Variants in PHF2 observed in about 807,000 individuals in gnomAD.
PHF2 encodes lysine-specific demethylase PHF2.
PHF2 carries 27 observed loss-of-function variants against 120.5 expected under a neutral mutation model. The observed-to-expected ratio is 0.22, with a 90% CI of 0.17 to 0.31. The LOEUF (loss-of-function observed/expected upper bound fraction) is 0.31. Among genes scored for constraint, PHF2 ranks in the 10% least tolerant of loss-of-function variants. The pLI, the probability that PHF2 is intolerant of heterozygous loss-of-function variation, is 1.00. For missense variants in PHF2, 1,024 were observed against 1,434.8 expected, an observed-to-expected ratio of 0.71 and a Z score of 4.63; for synonymous variants, 568 against 592.5, an observed-to-expected ratio of 0.96 and a Z score of 0.60.
rs774870282 is a variant in PHF2, at chr9:93,656,614, T to G, written c.1147+19T>G. ...TTCAAAGGTACTGGTCACTCCGGGG[T>G]GGGCGTCCAAGCCTGGGGCTCTTGG... On this transcript the variant is annotated intron_variant, in intron 9 of 21. Transcript: ENST00000359246. This position sits in a 1 kb window ranked among gnomAD's most constrained non-coding sequence, Gnocchi z 4.1. The G allele has an allele frequency of 1.9e-6, 3 of 1,571,946 alleles. No homozygotes were observed. The African/African-American group carries it at 4.1e-5, about 21-fold the overall frequency.
intron 1 of PHF2, among the ~76,000 whole-genome samples, chr9:93,625,328 T>C (rs1262205919): frequency 6.6e-6 from 1 of 152,264 alleles, no homozygotes; most frequent in Non-Finnish European, 1.5e-5. Flanking sequence ...TTTTTAAGGC[T>C]GAATAATATT....
At chr9:93,599,004 C>G (rs1181596676) in intron 1 of PHF2, among the ~76,000 whole-genome samples, 4 of 152,168 alleles carry the variant, frequency 2.6e-5, no homozygotes, top group African/African-American at 9.7e-5. Flanking sequence ...GTGCGTGCCT[C>G]TCAGACATGA....
At chr9:93,616,348 G>C (rs1354815850) in intron 1 of PHF2, among the ~76,000 whole-genome samples, 1 of 152,208 alleles carries the variant, frequency 6.6e-6, no homozygotes, top group Admixed American at 6.5e-5. Flanking sequence ...TAAAGCTTTT[G>C]ATACATACAG....
intron 1 of PHF2, among the ~76,000 whole-genome samples, chr9:93,578,292 G>A (rs188919054): frequency 2.3e-3 from 351 of 152,346 alleles, no homozygotes; most frequent in African/African-American, 8.2e-3. Flanking sequence ...GGCTGTGGAA[G>A]CCCCTTAGAG....
At chr9:93,669,253 G>C (rs1826738148) in intron 17 of PHF2, among the ~76,000 whole-genome samples, 1 of 152,236 alleles carries the variant, frequency 6.6e-6, no homozygotes, top group Non-Finnish European at 1.5e-5. Flanking sequence ...GGGCCTTGCA[G>C]GCCAGTTGAG....
chr9:93,677,578 A>T lies in PHF2; in HGVS notation c.3203-10A>T, dbSNP rs1317396438. ...CTTCCCTTTTTGTGTCCCCTCCCCG[A>T]CTCCCCTAGGAAAACGTACGAAAAA... On this transcript the variant is annotated splice_polypyrimidine_tract_variant and intron_variant, in intron 21 of 21. Transcript: ENST00000359246. This position sits in a 1 kb window ranked among gnomAD's most constrained non-coding sequence, Gnocchi z 4.4. 4 of 1,610,272 alleles carry T rather than the reference A, an allele frequency of 2.5e-6. No homozygotes were observed. In the South Asian group the frequency reaches 4.4e-5, roughly 18 times the overall value.
At chr9:93,663,767 T>TCA (rs56951431) in intron 14 of PHF2, 132 bp downstream of exon 14, 179 of 569,738 alleles carry the variant, frequency 3.1e-4, no homozygotes, top group Middle Eastern at 6.6e-4. Context: ...ACTCTGCATC[T>TCA]CACACACACC....
chr9:93,626,269 A>G (rs1825913162), intron 1 of PHF2, among the ~76,000 whole-genome samples: 1 of 152,186 alleles, frequency 6.6e-6, no homozygotes, highest in African/African-American at 2.4e-5. Flanking sequence ...AATTGTAGCC[A>G]TCCTAGTGGG....
Position 93,679,290 on chromosome 9 carries a change from G to C in PHF2, c.*1614G>C, listed in dbSNP as rs568768427. On this transcript the variant is annotated 3_prime_UTR_variant, in exon 22 of 22. Transcript: ENST00000359246. ...CTAGGGCCCGAGACTGGGTGGGAGAGGGGGAGTCTCACGGGGCCCCAGGCT... is the reference window on the plus strand; with the variant it reads ...CTAGGGCCCGAGACTGGGTGGGAGACGGGGAGTCTCACGGGGCCCCAGGCT... 9 of 455,416 alleles carry C rather than the reference G, an allele frequency of 2.0e-5. No individual in the cohort carries two copies. Among genetic ancestry groups the C allele is most frequent in the African/African-American group, 1.2e-4 (6 of 50,138 alleles). 28.2% of individuals were successfully genotyped at this position (455,416 alleles called of 1,614,324 possible).
At position 93,654,652 on chromosome 9, in the gene PHF2, C is replaced by T; in HGVS notation, c.952+77C>T. On this transcript the variant is annotated intron_variant, in intron 7 of 21. Coordinates refer to ENST00000359246, the MANE Select transcript of PHF2 (RefSeq NM_005392.4). The stretch of plus-strand genomic sequence containing the variant: ...CAAGCTTACTGCCCTGTCCCTTGGA[C>T]CGTGTCCCCACCATGGGGTCTCTTC... The T allele has an allele frequency of 2.1e-6, 3 of 1,396,300 alleles. No individual in the cohort carries two copies. In the South Asian group the frequency reaches 3.5e-5, roughly 17 times the overall value. 86.5% of individuals were successfully genotyped at this position (1,396,300 alleles called of 1,614,324 possible).
chr9:93,675,812 C>A, intron 20 of PHF2, 23 bp downstream of exon 20: 2 of 1,574,090 alleles, frequency 1.3e-6, no homozygotes, highest in Non-Finnish European at 1.7e-6. Flanking sequence ...GAGAAGGACA[C>A]ACGGCAGCCA....
At chr9:93,580,917 G>C (rs138849641) in intron 1 of PHF2, among the ~76,000 whole-genome samples, 220 of 152,272 alleles carry the variant, frequency 1.4e-3, no homozygotes, top group African/African-American at 5.1e-3. Context: ...CGTGTTGCAT[G>C]TTGCTGTGGG....
chr9:93,675,098 G>A (rs1261983724), intron 19 of PHF2, 76 bp downstream of exon 19: 2 of 1,200,400 alleles, frequency 1.7e-6, no homozygotes, highest in African/African-American at 3.0e-5. Context: ...GGTCCCTCCA[G>A]CCCCTGAGAA....
intron 3 of PHF2, among the ~76,000 whole-genome samples, chr9:93,644,400 A>AG (rs1349523190): frequency 6.6e-6 from 1 of 151,650 alleles, no homozygotes; most frequent in East Asian, 1.9e-4. Flanking sequence ...AAAAAAAAAA[A>AG]AAAAATTCCA....
Position 93,673,794 on chromosome 9 carries a change from G to C in PHF2, c.2558G>C (p.Ser853Thr). The change falls in exon 18 of 22, where the codon AGT becomes ACT. Residue 853 changes from serine to threonine, a missense_variant. Physicochemically the swap from Ser to Thr is moderately conservative, Grantham distance 58. Transcript: ENST00000359246. ...KRLLKRAAKN[S>T]VDLDDYEEEQ... ...CTGCTGAAGAGGGCTGCCAAGAACA[G>C]TGTCGACCTGGACGACTACGAGGAA... 6.2e-7 allele frequency: 1 copy of C among 1,612,632 alleles called. No individual in the cohort carries two copies. Among genetic ancestry groups the C allele is most frequent in the South Asian group, 1.1e-5 (1 of 90,966 alleles).
intron 2 of PHF2, among the ~76,000 whole-genome samples, chr9:93,631,809 T>C (rs534432355): frequency 7.3e-6 from 1 of 137,752 alleles, no homozygotes; most frequent in East Asian, 2.1e-4. Context: ...GAGTTGGGCT[T>C]GGGAGGATGC....
At chr9:93,672,858 AG>A (rs1364309984) in intron 17 of PHF2, 1 of 938,626 alleles carries the variant, frequency 1.1e-6, no homozygotes, top group Non-Finnish European at 1.3e-6. Context: ...GCAGGGGTGG[AG>A]GTAGGTACAG....
intron 3 of PHF2, among the ~76,000 whole-genome samples, chr9:93,644,387 CAAA>C (rs528111542): frequency 2.5e-5 from 3 of 119,738 alleles, no homozygotes; most frequent in Admixed American, 8.8e-5. Context: ...AACTCCATCT[CAAA>C]AAAAAAAAAA....
rs761511464 is a variant in PHF2, at chr9:93,677,706, G to A, written c.*30G>A. ...TGGAAAGCCAGGATCCTTCTGCTCC[G>A]CTCAGGACCCCCGGAGCCCCGCGAA... On this transcript the variant is annotated 3_prime_UTR_variant, in exon 22 of 22. Transcript: ENST00000359246. This position sits in a 1 kb window ranked among gnomAD's most constrained non-coding sequence, Gnocchi z 4.4. 2.6e-6 allele frequency: 4 copies of A among 1,556,064 alleles called. No homozygotes were observed. Among genetic ancestry groups the A allele is most frequent in the South Asian group, 1.1e-5 (1 of 89,632 alleles).
Sources: allele counts gnomAD v4.1 joint callset (sites outside exome capture counted in the v4.1 genomes callset), GRCh38; gene constraint gnomAD v4.1.1; non-coding constraint Gnocchi (gnomAD v3.1); transcripts MANE v1.5; gene names NCBI Gene and HGNC (gene_info 2026-07-23, HGNC 2026-07-21).